Variants in PKD1L3 observed in about 807,000 individuals in gnomAD.
PKD1L3 encodes polycystin 1 like 3, transient receptor potential channel interacting, also known as polycystin-1-like protein 3.
PKD1L3 carries 239 observed loss-of-function variants against 184.1 expected under a neutral mutation model. That is an observed-to-expected ratio of 1.30 (90% CI 1.17 to 1.45). The LOEUF (loss-of-function observed/expected upper bound fraction) is 1.45. Ranked by LOEUF, PKD1L3 falls within the 40% of genes most tolerant of loss-of-function variation. The probability of loss-of-function intolerance (pLI) is 0.00; values close to 1 mark genes in which losing one functional copy is unlikely to be tolerated. For missense variants in PKD1L3, 2,660 were observed against 2,067.2 expected (o/e 1.29, Z -5.56); for synonymous variants, 996 against 778.8 (o/e 1.28, Z -4.64).
rs775289020 is a variant in PKD1L3 at position 71,998,411 on chromosome 16, C to G, written c.296-17G>C. ...CAACGTCTGCTGAGGGGAGATCAGA[C>G]GCAGATGAGCCTCATACTCGAAAGC... On this transcript the variant is annotated splice_polypyrimidine_tract_variant and intron_variant, in intron 1 of 29. Transcript: ENST00000620267. 1 of 1,540,622 alleles carries G rather than the reference C, an allele frequency of 6.5e-7. No individual in the cohort carries two copies. Among genetic ancestry groups the G allele is most frequent in the Non-Finnish European group, 8.7e-7 (1 of 1,144,776 alleles).
intron 1 of PKD1L3, among the ~76,000 whole-genome samples, chr16:71,998,851 CAT>C (rs552691211): frequency 7.2e-5 from 11 of 152,126 alleles, no homozygotes; most frequent in Non-Finnish European, 1.5e-4. Context: ...TTTATTTTTT[CAT>C]ATGTGTTCCT....
Position 71,984,061 on chromosome 16 carries a change from G to A in PKD1L3, c.941C>T (p.Thr314Ile), listed in dbSNP as rs1484195839. 1 of 1,552,048 alleles carries A rather than the reference G, an allele frequency of 6.4e-7. No individual in the cohort carries two copies. Among genetic ancestry groups the A allele is most frequent in the Non-Finnish European group, 8.7e-7 (1 of 1,147,068 alleles). The change falls in exon 6 of 30, where the codon ACC (threonine) becomes ATC (isoleucine). Residue 314 changes from threonine (T) to isoleucine (I), a missense_variant. By Grantham distance (89) the Thr-to-Ile change is moderately conservative. Transcript: ENST00000620267. ...CEFLQKLTAL[T>I]PRFSKPAQVN... The stretch of plus-strand genomic sequence containing the variant: ...CTGAGCTGGCTTAGAAAATCTTGGG[G>A]TTAAGGCTGTTAGTTTCTGGAGGAA...
At position 71,969,885 on chromosome 16, in the gene PKD1L3, TCTGC is replaced by T; in HGVS notation, c.2170_2173del (p.Ala724IlefsTer5). The stretch of plus-strand genomic sequence containing the variant: ...TCAAAGTCTCATTACCTTCTGCATA[TCTGC>T]TTGATCCTTTTTCCGAGCCCACACA... On this transcript the variant is annotated frameshift_variant, in exon 13 of 30. Transcript: ENST00000620267. LOFTEE classifies it high-confidence loss of function. 2 of 1,547,996 alleles carry T rather than the reference TCTGC, an allele frequency of 1.3e-6. No individual in the cohort carries two copies. The highest frequency in any genetic ancestry group is 4.9e-5 in the East Asian group (2 of 40,798).
chr16:71,982,896 G>A (rs2040215850), intron 6 of PKD1L3, among the ~76,000 whole-genome samples: 1 of 151,972 alleles, frequency 6.6e-6, no homozygotes, highest in South Asian at 2.1e-4. Flanking sequence ...CCTAGCACAT[G>A]ATTATTTTCA....
intron 2 of PKD1L3, among the ~76,000 whole-genome samples, chr16:71,995,867 T>C (rs1202736655): frequency 6.6e-6 from 1 of 152,216 alleles, no homozygotes; most frequent in Non-Finnish European, 1.5e-5. Context: ...CACTAGCAAC[T>C]TATGAGAGTA....
At chr16:71,956,106 T>C (rs2039035317) in intron 16 of PKD1L3, among the ~76,000 whole-genome samples, 1 of 151,630 alleles carries the variant, frequency 6.6e-6, no homozygotes, top group Admixed American at 6.6e-5. Context: ...GATCCACTTG[T>C]CTCAGCCTCC....
intron 10 of PKD1L3, among the ~76,000 whole-genome samples, chr16:71,977,670 T>TATA: frequency 6.6e-6 from 1 of 151,974 alleles, no homozygotes; most frequent in Non-Finnish European, 1.5e-5. Flanking sequence ...ATGCTAGGAT[T>TATA]ATATGCATGA....
At chr16:71,935,090 A>G (rs2038127617) in intron 26 of PKD1L3, among the ~76,000 whole-genome samples, 1 of 152,254 alleles carries the variant, frequency 6.6e-6, no homozygotes. Context: ...ATAATGACCA[A>G]TTCCAGGCCC....
At chr16:71,963,928 CAT>C (rs2039390838) in intron 15 of PKD1L3, among the ~76,000 whole-genome samples, 1 of 152,206 alleles carries the variant, frequency 6.6e-6, no homozygotes, top group Non-Finnish European at 1.5e-5. Context: ...TTCTCTGTCC[CAT>C]ATGTGACAGT....
chr16:71,975,077 A>G (rs1225292056), intron 11 of PKD1L3, among the ~76,000 whole-genome samples: 1 of 152,118 alleles, frequency 6.6e-6, no homozygotes, highest in Non-Finnish European at 1.5e-5. Context: ...TTTTTTAGAG[A>G]CAGTGTCTTG....
At chr16:71,934,166 G>C in intron 26 of PKD1L3, 41 bp from the exon 27 acceptor site, 2 of 1,536,888 alleles carry the variant, frequency 1.3e-6, no homozygotes, top group Non-Finnish European at 1.8e-6. Context: ...CAAGAAGTAT[G>C]TGCCTATACT....
rs1000193443 is a variant in PKD1L3, at chr16:71,980,116, T to C, written c.1162A>G (p.Met388Val). Residue 388 changes from methionine (M) to valine (V), a missense_variant, in exon 8 of 30, where the codon ATG (methionine) becomes GTG (valine). Transcript: ENST00000620267. ...HTEPVEDILE[M>V]SLVEFGNIGE... ...ATATTCCCAAACTCCACCAAGGACA[T>C]TTCCAGGATGTCTTCTACCTGCATG... is the stretch of plus-strand genomic sequence containing the variant. 2.6e-6 allele frequency: 4 copies of C among 1,551,632 alleles called. No individual in the cohort carries two copies. The African/African-American group carries it at 5.5e-5, about 21-fold the overall frequency.
intron 21 of PKD1L3, among the ~76,000 whole-genome samples, chr16:71,949,334 A>C (rs1221244237): frequency 6.7e-6 from 1 of 148,176 alleles, no homozygotes; most frequent in Non-Finnish European, 1.5e-5. Flanking sequence ...ATGTCAGTTA[A>C]ATGTCAGTTT....
rs1272509186 is a variant in PKD1L3 at position 71,942,965 on chromosome 16, T to C, written c.3919A>G (p.Arg1307Gly). The change falls in exon 24 of 30, where the codon AGA becomes GGA. Residue 1307 changes from arginine (R) to glycine (G), a missense_variant. By Grantham distance (125) the Arg-to-Gly change is moderately radical. Transcript: ENST00000620267. ...CAGATAGCTTGGTGGAGGTAAAATCTATTGGAGTTCTTTGCAGAGTAGATT... is the reference window on the plus strand; with the variant it reads ...CAGATAGCTTGGTGGAGGTAAAATCCATTGGAGTTCTTTGCAGAGTAGATT... Reference protein sequence around the residue: ...TAIYSAKNSNRFYLHQAIWKT... With the variant: ...TAIYSAKNSNGFYLHQAIWKT... The C allele has an allele frequency of 1.9e-6, 3 of 1,551,562 alleles. No individual in the cohort carries two copies. The highest frequency in any genetic ancestry group is 4.9e-5 in the East Asian group (2 of 40,920).
At position 71,977,107 on chromosome 16, in the gene PKD1L3, A is replaced by G; in HGVS notation, c.1759+129T>C. On this transcript the variant is annotated intron_variant, in intron 11 of 29. Transcript: ENST00000620267. The stretch of plus-strand genomic sequence containing the variant: ...GCGCACTTGTAGTCCCAGCTACTTA[A>G]GAGGCTAAGGCAGGAGGATCCCCTG... The G allele has an allele frequency of 5.6e-6, 4 of 716,324 alleles. No homozygotes were observed. The South Asian group carries it at 7.4e-5, about 13-fold the overall frequency. The allele number at this position is 716,324 out of a possible 1,614,324, so 44.4% of individuals were successfully genotyped here.
intron 16 of PKD1L3, among the ~76,000 whole-genome samples, chr16:71,956,453 A>G (rs964714906): frequency 6.6e-6 from 1 of 152,068 alleles, no homozygotes; most frequent in African/African-American, 2.4e-5. Context: ...CCGGCCTCCC[A>G]AAGTGCTGAG....
intron 9 of PKD1L3, among the ~76,000 whole-genome samples, chr16:71,979,034 T>A (rs1486526252): frequency 6.6e-6 from 1 of 152,232 alleles, no homozygotes; most frequent in Admixed American, 6.5e-5. Flanking sequence ...CTCTTCAGGA[T>A]AAGGCAACAA....
Position 71,990,341 on chromosome 16 carries a change from A to G in PKD1L3, c.536-12T>C, listed in dbSNP as rs533419770. The G allele has an allele frequency of 2.9e-5, 44 of 1,542,100 alleles. No homozygotes were observed. The highest frequency in any genetic ancestry group is 4.8e-5 in the South Asian group (4 of 83,704). Reference sequence around the variant, plus strand: ...AAGATGACCAGGTCCTATAGAAAAAAGAAAGCAGACTAAGTTCAAGTAAAA... The same window carrying G: ...AAGATGACCAGGTCCTATAGAAAAAGGAAAGCAGACTAAGTTCAAGTAAAA... On this transcript the variant is annotated splice_polypyrimidine_tract_variant and intron_variant, in intron 3 of 29. Coordinates refer to ENST00000620267, the MANE Select transcript of PKD1L3 (RefSeq NM_181536.2).
In PKD1L3 at chr16:71,952,942, G is replaced by A; in HGVS notation, c.2961C>T (p.Cys987=). Residue 987 remains cysteine (C), a synonymous_variant, in exon 18 of 30, where the codon TGC becomes TGT. Coordinates refer to ENST00000620267, the MANE Select transcript of PKD1L3 (RefSeq NM_181536.2). ...LPLFPPIQAS[C]LSDASVEPLS... ...GAGGCTCAACAGAAGCATCTGAGAG[G>A]CAGGAGGCCTGGATGGGAGGAAAGA... is the stretch of plus-strand genomic sequence containing the variant. 1 of 1,551,144 alleles carries A rather than the reference G, an allele frequency of 6.4e-7. No homozygotes were observed. The highest frequency in any genetic ancestry group is 1.2e-5 in the South Asian group (1 of 83,928).
Sources: allele counts gnomAD v4.1 joint callset (sites outside exome capture counted in the v4.1 genomes callset), GRCh38; gene constraint gnomAD v4.1.1; transcripts MANE v1.5; gene names NCBI Gene and HGNC (gene_info 2026-07-23, HGNC 2026-07-21).